Variants in PRKAR1B observed in about 807,000 individuals in gnomAD.
PRKAR1B encodes protein kinase cAMP-dependent type I regulatory subunit beta, also known as cAMP-dependent protein kinase type I-beta regulatory subunit.
Under a neutral mutation model 46.5 loss-of-function variants are expected in PRKAR1B, and 22 were observed. The observed-to-expected ratio is 0.47, with a 90% CI of 0.34 to 0.68. The LOEUF is 0.68. PRKAR1B is among the 30% of genes least tolerant of loss of function. The pLI is 0.01. For missense variants in PRKAR1B, 445 were observed against 535.6 expected, an observed-to-expected ratio of 0.83 and a Z score of 1.67; for synonymous variants, 259 against 217.7, an observed-to-expected ratio of 1.19 and a Z score of -1.67.
chr7:709,588 T>C (rs1780515957), intron 2 of PRKAR1B, among the ~76,000 whole-genome samples: 1 of 152,150 alleles, frequency 6.6e-6, no homozygotes, highest in African/African-American at 2.4e-5. Flanking sequence ...GCCAGGATGG[T>C]CTCGATCTCC....
intron 4 of PRKAR1B, among the ~76,000 whole-genome samples, chr7:653,976 GATC>G (rs972139261): frequency 6.3e-5 from 9 of 143,704 alleles, no homozygotes; most frequent in Admixed American, 3.5e-4. Flanking sequence ...ATCCCTTCAT[GATC>G]ATCATCATTG....
chr7:643,062 T>G (rs1784468757), intron 4 of PRKAR1B, among the ~76,000 whole-genome samples: 1 of 151,620 alleles, frequency 6.6e-6, no homozygotes, highest in African/African-American at 2.4e-5. Flanking sequence ...TAGCCGGTAT[T>G]CCATCAAGTG....
chr7:691,729 G>A, intron 2 of PRKAR1B: 4 of 1,242,756 alleles, frequency 3.2e-6, no homozygotes, highest in Non-Finnish European at 4.1e-6. Context: ...ACCCCGGGGA[G>A]GGGAATCCAG....
intron 3 of PRKAR1B, among the ~76,000 whole-genome samples, chr7:678,180 A>C (rs112705190): frequency 0.019 from 2,896 of 152,288 alleles, 90 homozygotes; most frequent in African/African-American, 0.066. Context: ...GAGGCAGGAG[A>C]ATCACCTGAA....
intron 7 of PRKAR1B, among the ~76,000 whole-genome samples, chr7:595,916 G>A (rs1781244927): frequency 6.6e-6 from 1 of 152,204 alleles, no homozygotes; most frequent in Non-Finnish European, 1.5e-5. Context: ...AGTCCAGACA[G>A]TGGGAAGGAG....
chr7:676,538 G>C (rs192293546), intron 4 of PRKAR1B, among the ~76,000 whole-genome samples: 2 of 152,352 alleles, frequency 1.3e-5, no homozygotes, highest in East Asian at 3.9e-4. Flanking sequence ...GCCTGCCTAG[G>C]TATAGCGCGC....
Position 608,634 on chromosome 7 carries a change from G to A in PRKAR1B, c.441-1182C>T, listed in dbSNP as rs535807812. Among the ~76,000 whole-genome samples the A allele has an allele frequency of 5.1e-3, 265 of 52,190 alleles. 6 individuals are homozygous for A. The highest frequency in any genetic ancestry group is 9.4e-3 in the African/African-American group (166 of 17,648). 34.2% of individuals were successfully genotyped at this position (52,190 alleles called of 152,430 possible). The stretch of plus-strand genomic sequence containing the variant: ...GCAGGGCTGTAGGGAGGGCTGGGGG[G>A]CCTCCACTGTCCTCCCACCTGGGGA... On this transcript the variant is annotated intron_variant, in intron 4 of 10. Coordinates refer to ENST00000537384, the MANE Select transcript of PRKAR1B (RefSeq NM_001164760.2).
At chr7:574,011 G>A (rs566693615) in intron 9 of PRKAR1B, among the ~76,000 whole-genome samples, 116 of 152,356 alleles carry the variant, frequency 7.6e-4, no homozygotes, top group African/African-American at 2.6e-3. Context: ...CACGCCGCGC[G>A]ACTCGGTGAT....
chr7:574,861 G>A (rs1418587352), intron 9 of PRKAR1B, among the ~76,000 whole-genome samples: 3 of 152,242 alleles, frequency 2.0e-5, no homozygotes, highest in Non-Finnish European at 2.9e-5. Context: ...GATTGAGCCT[G>A]TAAGCACCAG....
At chr7:696,013 G>A (rs1436907718) in intron 2 of PRKAR1B, among the ~76,000 whole-genome samples, 1 of 141,408 alleles carries the variant, frequency 7.1e-6, no homozygotes, top group African/African-American at 2.7e-5. Flanking sequence ...CTGTCACCCA[G>A]GCTGGAGTAT....
At chr7:708,159 C>T (rs929969567) in intron 2 of PRKAR1B, among the ~76,000 whole-genome samples, 1 of 151,940 alleles carries the variant, frequency 6.6e-6, no homozygotes, top group Non-Finnish European at 1.5e-5. Context: ...AGACATAGAA[C>T]CTTCTCCCAC....
intron 7 of PRKAR1B, among the ~76,000 whole-genome samples, chr7:588,848 G>A (rs1780803361): frequency 1.7e-5 from 2 of 121,152 alleles, no homozygotes; most frequent in Non-Finnish European, 3.5e-5. Flanking sequence ...TGGTAATGGT[G>A]GTGATGGTGA....
intron 4 of PRKAR1B, among the ~76,000 whole-genome samples, chr7:627,227 C>T (rs1192799914): frequency 1.3e-5 from 2 of 152,114 alleles, no homozygotes; most frequent in Admixed American, 6.5e-5. Context: ...TGGGCTCAAG[C>T]AACCATCCCG....
intron 4 of PRKAR1B, among the ~76,000 whole-genome samples, chr7:640,387 T>C (rs1248551278): frequency 1.3e-5 from 2 of 152,074 alleles, no homozygotes; most frequent in African/African-American, 2.4e-5. Context: ...GGACAGACAT[T>C]TTACCAAAGA....
At chr7:607,096 C>T (rs1782132401) in intron 5 of PRKAR1B, among the ~76,000 whole-genome samples, 1 of 152,126 alleles carries the variant, frequency 6.6e-6, no homozygotes, top group South Asian at 2.1e-4. Context: ...CTCCGCCTCC[C>T]AGGTTCAAGC....
At chr7:586,331 G>A (rs556017890) in intron 7 of PRKAR1B, among the ~76,000 whole-genome samples, 3 of 151,450 alleles carry the variant, frequency 2.0e-5, no homozygotes, top group Non-Finnish European at 2.9e-5. Flanking sequence ...GCTGACGGAT[G>A]CAACTAAGAC....
At chr7:688,531 GCCC>G (rs1239160183) in intron 2 of PRKAR1B, among the ~76,000 whole-genome samples, 2 of 152,128 alleles carry the variant, frequency 1.3e-5, no homozygotes, top group Admixed American at 6.6e-5. Flanking sequence ...TCTGCCCTCA[GCCC>G]CATACCCCTC....
chr7:680,670 A>C lies in PRKAR1B; in HGVS notation c.234T>G (p.His78Gln). 6.2e-7 allele frequency: 1 copy of C among 1,613,660 alleles called. No individual in the cohort carries two copies. Among genetic ancestry groups the C allele is most frequent in the Non-Finnish European group, 8.5e-7 (1 of 1,179,920 alleles). The change falls in exon 3 of 11, where the codon CAT becomes CAG. Residue 78 changes from histidine (H) to glutamine (Q), a missense_variant. His to Gln is a conservative substitution (Grantham distance 24). Transcript: ENST00000537384. ...RQKSNSQSDS[H>Q]DEEVSPTPPN... ...GGGGGGTGGGCGACACCTCCTCATC[A>C]TGGGAGTCCGACTGTGAGTTTGACT...
chr7:675,807 G>A (rs187705721), intron 4 of PRKAR1B, among the ~76,000 whole-genome samples: 12 of 152,246 alleles, frequency 7.9e-5, no homozygotes, highest in South Asian at 2.1e-4. Flanking sequence ...TTAGCCGGGC[G>A]TGGTGTCGGG....
Sources: allele counts gnomAD v4.1 joint callset (sites outside exome capture counted in the v4.1 genomes callset), GRCh38; gene constraint gnomAD v4.1.1; transcripts MANE v1.5; gene names NCBI Gene and HGNC (gene_info 2026-07-23, HGNC 2026-07-21).